The following SGCZ variants were observed in gnomAD, a reference collection of about 807,000 sequenced individuals.
SGCZ encodes the protein zeta-sarcoglycan.
In SGCZ, 40 loss-of-function variants were observed where a neutral mutation model predicts 41.3. The ratio of observed to expected loss-of-function variants is 0.97; its 90% CI spans 0.75 to 1.26. SGCZ has a LOEUF of 1.26. Among genes scored for constraint, SGCZ ranks in the 50% most tolerant of loss-of-function variants. The probability of loss-of-function intolerance (pLI) is 0.00; values close to 1 mark genes in which losing one functional copy is unlikely to be tolerated. For missense variants in SGCZ, 552 were observed against 369.8 expected, an observed-to-expected ratio of 1.49 and a Z score of -4.04; for synonymous variants, 206 against 137.5, an observed-to-expected ratio of 1.50 and a Z score of -3.49.
At chr8:14,141,834 A>T (rs1277248601) in intron 5 of SGCZ, among the ~76,000 whole-genome samples, 1 of 152,214 alleles carries the variant, frequency 6.6e-6, no homozygotes, top group Non-Finnish European at 1.5e-5. Flanking sequence ...CCAAAAGATT[A>T]TAAAACATGT....
chr8:14,547,507 G>A (rs1242207384), intron 2 of SGCZ, among the ~76,000 whole-genome samples: 2 of 152,044 alleles, frequency 1.3e-5, no homozygotes, highest in African/African-American at 4.8e-5. Context: ...CATTTTTCCT[G>A]GCAAAATGTA....
chr8:14,381,889 G>T (rs1372422601), intron 2 of SGCZ, among the ~76,000 whole-genome samples: 4 of 152,064 alleles, frequency 2.6e-5, no homozygotes, highest in African/African-American at 9.7e-5. Flanking sequence ...TTCCCTCAAA[G>T]ATGCTTCTAT....
At chr8:15,205,708 T>C (rs574231724) in intron 1 of SGCZ, among the ~76,000 whole-genome samples, 7 of 152,316 alleles carry the variant, frequency 4.6e-5, no homozygotes, top group Admixed American at 3.9e-4. Context: ...GTATGGCAAT[T>C]ACTCAAAGAG....
At chr8:14,324,522 T>C (rs749373600) in intron 2 of SGCZ, among the ~76,000 whole-genome samples, 1 of 152,158 alleles carries the variant, frequency 6.6e-6, no homozygotes, top group Non-Finnish European at 1.5e-5. Flanking sequence ...TGTATAATGA[T>C]GCTTGCTACC....
chr8:14,876,887 G>A (rs1804377065), intron 1 of SGCZ, among the ~76,000 whole-genome samples: 1 of 152,158 alleles, frequency 6.6e-6, no homozygotes, highest in Non-Finnish European at 1.5e-5. Context: ...GCCCTGCAAT[G>A]GAGTGTGGAC....
At chr8:14,274,788 G>C (rs563903398) in intron 3 of SGCZ, among the ~76,000 whole-genome samples, 1 of 151,806 alleles carries the variant, frequency 6.6e-6, no homozygotes, top group East Asian at 1.9e-4. Context: ...ATTGAAATAA[G>C]AAACACTATT....
At chr8:14,985,776 C>T (rs776590847) in intron 1 of SGCZ, among the ~76,000 whole-genome samples, 1 of 152,168 alleles carries the variant, frequency 6.6e-6, no homozygotes, top group Non-Finnish European at 1.5e-5. Flanking sequence ...CTGTGAAACA[C>T]CAATGAACAT....
At chr8:14,321,032 T>C (rs954180473) in intron 3 of SGCZ, among the ~76,000 whole-genome samples, 147 of 152,200 alleles carry the variant, frequency 9.7e-4, no homozygotes, top group African/African-American at 3.4e-3. Flanking sequence ...AAATTCCCGA[T>C]ATTTGAAATG....
intron 1 of SGCZ, among the ~76,000 whole-genome samples, chr8:14,996,750 G>C (rs1046148350): frequency 3.3e-5 from 5 of 152,140 alleles, no homozygotes; most frequent in Admixed American, 3.3e-4. Flanking sequence ...TTGGTTGTCC[G>C]TGGCCACAGC....
chr8:14,202,683 G>A (rs761963703), intron 4 of SGCZ, among the ~76,000 whole-genome samples: 1 of 151,942 alleles, frequency 6.6e-6, no homozygotes. Context: ...AAGATCCCTT[G>A]GTAATTTTTA....
intron 1 of SGCZ, among the ~76,000 whole-genome samples, chr8:14,766,613 G>A (rs1800043095): frequency 6.6e-6 from 1 of 151,658 alleles, no homozygotes; most frequent in East Asian, 1.9e-4. Flanking sequence ...CCAGGCTGGA[G>A]TGCAGTACTG....
intron 1 of SGCZ, among the ~76,000 whole-genome samples, chr8:14,940,480 T>C (rs1198634631): frequency 2.0e-5 from 3 of 152,148 alleles, no homozygotes; most frequent in Non-Finnish European, 4.4e-5. Flanking sequence ...ATTAGTAAAG[T>C]TCACACATTT....
intron 1 of SGCZ, among the ~76,000 whole-genome samples, chr8:14,778,176 C>T (rs1455646059): frequency 1.3e-5 from 2 of 152,084 alleles, no homozygotes; most frequent in South Asian, 2.1e-4. Context: ...GATCCTCCCT[C>T]GATCTCCTAA....
intron 3 of SGCZ, among the ~76,000 whole-genome samples, chr8:14,318,886 A>G (rs1175447402): frequency 6.6e-6 from 1 of 151,954 alleles, no homozygotes; most frequent in African/African-American, 2.4e-5. Flanking sequence ...AAAAATCGTT[A>G]TAAGATAAAA....
intron 2 of SGCZ, among the ~76,000 whole-genome samples, chr8:14,486,361 C>A (rs1269701959): frequency 6.6e-6 from 1 of 152,132 alleles, no homozygotes; most frequent in Non-Finnish European, 1.5e-5. Context: ...CAGAGCCTCC[C>A]ACTGGCCATG....
Position 14,088,358 on chromosome 8 carries a change from T to C in SGCZ, c.*2085A>G, listed in dbSNP as rs1332221070. ...TTCCTAATCAAAAGAATTATTCCCA[T>C]TTGACTTAGAAAGTTTCTAATTGTT... On this transcript the variant is annotated 3_prime_UTR_variant, in exon 8 of 8. Coordinates refer to ENST00000382080, the MANE Select transcript of SGCZ (RefSeq NM_139167.4). Among the ~76,000 whole-genome samples, 1 of 151,832 alleles carries C rather than the reference T, an allele frequency of 6.6e-6. No individual in the cohort carries two copies. The highest frequency in any genetic ancestry group is 1.9e-4 in the East Asian group (1 of 5,146).
chr8:14,230,870 A>T (rs1413300718), intron 4 of SGCZ, among the ~76,000 whole-genome samples: 1 of 151,946 alleles, frequency 6.6e-6, no homozygotes, highest in East Asian at 1.9e-4. Flanking sequence ...AAATTTGTGA[A>T]ACACGAAAGA....
intron 2 of SGCZ, among the ~76,000 whole-genome samples, chr8:14,541,619 TA>T (rs1563397490): frequency 6.6e-6 from 1 of 152,164 alleles, no homozygotes. Flanking sequence ...TATAGTAGAA[TA>T]ATACATAATC....
chr8:14,789,620 T>C (rs1252272720), intron 1 of SGCZ, among the ~76,000 whole-genome samples: 1 of 152,184 alleles, frequency 6.6e-6, no homozygotes, highest in Non-Finnish European at 1.5e-5. Context: ...TCTCTCCCTA[T>C]TCAAGTGAGC....
Sources: gnomAD v4.1 joint callset for allele counts (sites outside exome capture counted in the v4.1 genomes callset) on GRCh38, gnomAD v4.1.1 for gene constraint, MANE v1.5 for transcripts, NCBI Gene and HGNC (gene_info 2026-07-23, HGNC 2026-07-21) for gene names.